The following PDE4DIP variants were observed in gnomAD, a reference collection of about 807,000 sequenced individuals.
PDE4DIP encodes the protein phosphodiesterase 4D interacting protein.
In PDE4DIP, 59 loss-of-function variants were observed where a neutral mutation model predicts 221.4. The observed-to-expected ratio is 0.27, with a 90% CI of 0.22 to 0.33. The LOEUF (loss-of-function observed/expected upper bound fraction) is 0.33. Ranked by LOEUF, PDE4DIP falls within the 10% of genes least tolerant of loss-of-function variation. PDE4DIP has a pLI of 1.00. For missense variants in PDE4DIP, 1,036 were observed against 2,154.2 expected (o/e 0.48, Z 10.28); for synonymous variants, 404 against 815.9 (o/e 0.50, Z 8.60).
chr1:148,977,534 A>C (rs2060422159), intron 17 of PDE4DIP, among the ~76,000 whole-genome samples: 1 of 141,404 alleles, frequency 7.1e-6, no homozygotes, highest in Non-Finnish European at 1.5e-5. Flanking sequence ...TTGCTGTTTG[A>C]TGCCTTATCC....
At chr1:148,937,968 A>G (rs587632269) in intron 5 of PDE4DIP, 104 bp downstream of exon 8, 3 of 573,440 alleles carry the variant, frequency 5.2e-6, no homozygotes, top group Non-Finnish European at 9.4e-6. Context: ...GTAACAGATT[A>G]CTACAAACTT....
At chr1:149,032,887 A>C (rs2077025931) in exon 44 of PDE4DIP, 1 of 208,858 alleles carries the variant, frequency 4.8e-6, no homozygotes, top group Non-Finnish European at 9.7e-6. Context: ...ATATAGATTT[A>C]TATATGTTGC....
intron 19 of PDE4DIP, among the ~76,000 whole-genome samples, chr1:148,978,646 G>C (rs1172249476): frequency 6.6e-6 from 1 of 151,940 alleles, no homozygotes; most frequent in African/African-American, 2.4e-5. Flanking sequence ...GCAGTGGTAT[G>C]ATCACAGCTC....
intron 32 of PDE4DIP, among the ~76,000 whole-genome samples, chr1:149,015,377 G>A (rs1553609604): frequency 6.6e-6 from 1 of 152,028 alleles, no homozygotes; most frequent in Non-Finnish European, 1.5e-5. Context: ...TGGCTTGGAT[G>A]GAAGAAACAA....
At chr1:148,928,986 A>AAGT (rs1207924872) in intron 1 of PDE4DIP, among the ~76,000 whole-genome samples, 1 of 103,316 alleles carries the variant, frequency 9.7e-6, no homozygotes, top group Non-Finnish European at 1.9e-5. Context: ...GAAAATTGAT[A>AAGT]AGTAGCTCAG....
chr1:148,975,759 C>T (rs1419156), intron 17 of PDE4DIP, among the ~76,000 whole-genome samples: 7,438 of 150,582 alleles, frequency 0.049, 540 homozygotes, highest in East Asian at 0.41. Context: ...TGTTACTATG[C>T]TGGCATCTCT....
At chr1:148,987,451 G>A (rs1320007433) in intron 21 of PDE4DIP, among the ~76,000 whole-genome samples, 4 of 152,158 alleles carry the variant, frequency 2.6e-5, no homozygotes, top group Admixed American at 6.6e-5. Flanking sequence ...ACGTGAAAAT[G>A]TGAGCGTTCT....
intron 38 of PDE4DIP, chr1:149,025,834 A>C (rs1338201057): frequency 6.6e-6 from 1 of 150,920 alleles, no homozygotes; most frequent in Non-Finnish European, 1.5e-5. Flanking sequence ...TGACAATAAC[A>C]TGATTATGCT....
intron 4 of PDE4DIP, among the ~76,000 whole-genome samples, chr1:148,935,130 C>T (rs2150738228): frequency 6.6e-6 from 1 of 152,082 alleles, no homozygotes; most frequent in South Asian, 2.1e-4. Flanking sequence ...AGGAGAATCG[C>T]TTGAACCAGG....
intron 2 of PDE4DIP, chr1:148,929,502 G>A (rs1347958645): frequency 1.9e-5 from 9 of 485,100 alleles, no homozygotes; most frequent in East Asian, 3.9e-5. Flanking sequence ...ACCTAAGACT[G>A]CAAACTTCCT....
At chr1:148,995,922 T>C (rs587594065) in intron 22 of PDE4DIP, among the ~76,000 whole-genome samples, 1,803 of 149,730 alleles carry the variant, frequency 0.012, 6 homozygotes, top group Non-Finnish European at 0.02. Flanking sequence ...GTTGTATATA[T>C]GTAAAAAAAA....
At chr1:149,009,680 T>C (rs2068009798) in exon 30 of PDE4DIP, 1 of 1,614,006 alleles carries the variant, frequency 6.2e-7, no homozygotes, top group Non-Finnish European at 8.5e-7. Flanking sequence ...CTCCCACCGC[T>C]CTCCCAGCAG....
intron 5 of PDE4DIP, among the ~76,000 whole-genome samples, chr1:148,948,911 A>C (rs2052464535): frequency 6.6e-6 from 1 of 152,172 alleles, no homozygotes; most frequent in Non-Finnish European, 1.5e-5. Flanking sequence ...CTGTTATTAG[A>C]CTTCAGACAA....
chr1:148,989,929 G>A (rs1241119974), intron 21 of PDE4DIP, among the ~76,000 whole-genome samples: 1 of 152,202 alleles, frequency 6.6e-6, no homozygotes, highest in Non-Finnish European at 1.5e-5. Flanking sequence ...TATCCTGAGT[G>A]AGATGGTTTC....
chr1:149,020,549 T>C, intron 36 of PDE4DIP: 1 of 238,746 alleles, frequency 4.2e-6, no homozygotes, highest in South Asian at 5.7e-5. Flanking sequence ...GCCTTGTCAC[T>C]CCCAAGTTGA....
intron 1 of PDE4DIP, among the ~76,000 whole-genome samples, chr1:148,925,778 T>C (rs2046572281): frequency 6.8e-6 from 1 of 147,846 alleles, no homozygotes; most frequent in African/African-American, 2.5e-5. Context: ...AATACTTATC[T>C]TCATTAAAAA....
At chr1:148,935,552 C>G (rs868965992) in intron 4 of PDE4DIP, among the ~76,000 whole-genome samples, 6 of 18,296 alleles carry the variant, frequency 3.3e-4, no homozygotes, top group Middle Eastern at 8.6e-3. Flanking sequence ...CAAGTCTTTG[C>G]TATTGTAAAT....
exon 30 of PDE4DIP, chr1:149,009,737 A>G (rs2068022285): frequency 1.2e-6 from 2 of 1,613,890 alleles, no homozygotes; most frequent in Non-Finnish European, 8.5e-7. Flanking sequence ...TGACATGGAC[A>G]TAGTCAGCGA....
rs1292523937 is a variant in PDE4DIP, at chr1:148,953,232, C to T, written c.637-7422C>T. On this transcript the variant is annotated intron_variant, in intron 5 of 43. Coordinates refer to ENST00000369354, the Ensembl canonical transcript of PDE4DIP. Reference sequence around the variant, plus strand: ...GAGAATGAGGATCAGATCCAGGAGCCACACAGCTGCCATGGTTCAGAAGGC... The same window carrying T: ...GAGAATGAGGATCAGATCCAGGAGCTACACAGCTGCCATGGTTCAGAAGGC... The T allele has an allele frequency of 1.9e-6, 3 of 1,612,058 alleles. No homozygotes were observed. The African/African-American group carries it at 4.0e-5, about 22-fold the overall frequency.
Sources: gnomAD v4.1 joint callset for allele counts (sites outside exome capture counted in the v4.1 genomes callset) on GRCh38, gnomAD v4.1.1 for gene constraint, MANE v1.5 for transcripts, NCBI Gene and HGNC (gene_info 2026-07-23, HGNC 2026-07-21) for gene names.